The following LDLRAD4 variants were observed in gnomAD, a reference collection of about 807,000 sequenced individuals.
The protein encoded by LDLRAD4 is low density lipoprotein receptor class A domain containing 4.
A neutral mutation model predicts 17.0 loss-of-function variants in LDLRAD4; 5 were observed. That is an observed-to-expected ratio of 0.29 (90% confidence interval 0.15 to 0.62). The LOEUF is 0.62. Among genes scored for constraint, LDLRAD4 ranks in the 20% least tolerant of loss-of-function variants. The pLI is 0.84. For missense variants in LDLRAD4, 340 were observed against 424.7 expected, an observed-to-expected ratio of 0.80 and a Z score of 1.75; for synonymous variants, 168 against 171.8, an observed-to-expected ratio of 0.98 and a Z score of 0.17.
exon 1 of LDLRAD4, chr18:13,218,905 G>C (rs2041288951): frequency 6.6e-6 from 1 of 152,312 alleles, no homozygotes; most frequent in Admixed American, 6.5e-5. Flanking sequence ...CTTTGTGAAG[G>C]GGTCTGCCCT....
chr18:13,317,670 G>A (rs370429001), intron 1 of LDLRAD4, among the ~76,000 whole-genome samples: 4 of 152,254 alleles, frequency 2.6e-5, no homozygotes, highest in South Asian at 4.1e-4. Flanking sequence ...AAGAAAGCAC[G>A]TCACAAGACA....
chr18:13,459,735 G>A (rs1382610376), intron 3 of LDLRAD4, among the ~76,000 whole-genome samples: 2 of 152,168 alleles, frequency 1.3e-5, no homozygotes, highest in East Asian at 3.8e-4. Context: ...AGCAGCAATA[G>A]GGAAGAGATA....
chr18:13,387,454 C>T (rs2085921997), exon 2 of LDLRAD4: 1 of 398,562 alleles, frequency 2.5e-6, no homozygotes, highest in Non-Finnish European at 4.5e-6. Flanking sequence ...TTCTGAGGGC[C>T]TGAGGGCCAG....
intron 3 of LDLRAD4, among the ~76,000 whole-genome samples, chr18:13,568,432 T>C (rs1013867927): frequency 5.9e-5 from 9 of 152,186 alleles, no homozygotes; most frequent in African/African-American, 2.2e-4. Context: ...TCTGAGGTTG[T>C]TTCATGGTCT....
Position 13,419,808 on chromosome 18 carries a change from G to A in LDLRAD4, c.41-18436G>A, listed in dbSNP as rs138346417. ...AGCCTAACATTATGTGGTCTCTGAC[G>A]TATTAGCTGGTAGAAGACTGGATGT... On this transcript the variant is annotated intron_variant, in intron 2 of 5. Transcript: ENST00000359446. 4.6e-5 allele frequency: 7 copies of A among 152,296 alleles called. No individual in the cohort carries two copies. In the East Asian group the frequency reaches 1.2e-3, roughly 25 times the overall value. The allele number at this position is 152,296 out of a possible 1,614,324, so 9.4% of individuals were successfully genotyped here.
At chr18:13,562,549 C>G (rs945276297) in intron 3 of LDLRAD4, among the ~76,000 whole-genome samples, 1 of 152,222 alleles carries the variant, frequency 6.6e-6, no homozygotes, top group Admixed American at 6.5e-5. Flanking sequence ...GTCAGGCTCA[C>G]ATGTTCACCA....
intron 3 of LDLRAD4, among the ~76,000 whole-genome samples, chr18:13,608,964 A>G (rs1305485035): frequency 6.6e-6 from 1 of 152,078 alleles, no homozygotes; most frequent in East Asian, 1.9e-4. Flanking sequence ...GCCTTGCTCC[A>G]TTTTCAAGGC....
chr18:13,496,467 A>G (rs1031614438), intron 3 of LDLRAD4, among the ~76,000 whole-genome samples: 2 of 152,180 alleles, frequency 1.3e-5, no homozygotes, highest in Non-Finnish European at 2.9e-5. Flanking sequence ...TTTTAATACC[A>G]TCTTTTCATC....
At chr18:13,534,611 G>C (rs1345658103) in intron 3 of LDLRAD4, among the ~76,000 whole-genome samples, 1 of 152,128 alleles carries the variant, frequency 6.6e-6, no homozygotes, top group Non-Finnish European at 1.5e-5. Flanking sequence ...CATTTGTCTG[G>C]TGTGCCCTGT....
intron 1 of LDLRAD4, among the ~76,000 whole-genome samples, chr18:13,258,709 G>A (rs1408824220): frequency 6.6e-6 from 1 of 152,046 alleles, no homozygotes; most frequent in African/African-American, 2.4e-5. Flanking sequence ...TAAATTTCTT[G>A]TTCATTAATT....
At chr18:13,233,286 T>C (rs892648750) in intron 1 of LDLRAD4, among the ~76,000 whole-genome samples, 1 of 152,188 alleles carries the variant, frequency 6.6e-6, no homozygotes, top group African/African-American at 2.4e-5. Flanking sequence ...ATGTAGCAAA[T>C]GCATTGGCTT....
chr18:13,437,970 G>A (rs2090775992), intron 2 of LDLRAD4, among the ~76,000 whole-genome samples: 1 of 152,220 alleles, frequency 6.6e-6, no homozygotes, highest in Non-Finnish European at 1.5e-5. Flanking sequence ...GAGCACCTGT[G>A]CTACTGTGTG....
At chr18:13,252,345 T>C (rs1433578855) in intron 1 of LDLRAD4, among the ~76,000 whole-genome samples, 1 of 152,314 alleles carries the variant, frequency 6.6e-6, no homozygotes, top group Non-Finnish European at 1.5e-5. Flanking sequence ...GTCAGGCTGG[T>C]CTCGAACTCC....
chr18:13,344,069 A>T (rs1393412507), intron 1 of LDLRAD4, among the ~76,000 whole-genome samples: 1 of 152,194 alleles, frequency 6.6e-6, no homozygotes, highest in Non-Finnish European at 1.5e-5. Flanking sequence ...TTTGCTGTGC[A>T]GAAGCTCTTT....
At chr18:13,437,251 C>G (rs943812277) in intron 2 of LDLRAD4, among the ~76,000 whole-genome samples, 4 of 152,216 alleles carry the variant, frequency 2.6e-5, no homozygotes, top group Non-Finnish European at 5.9e-5. Context: ...CGGTGAGGAA[C>G]CCGGGACTCC....
At chr18:13,408,033 C>G (rs964553104) in intron 2 of LDLRAD4, among the ~76,000 whole-genome samples, 10 of 152,114 alleles carry the variant, frequency 6.6e-5, no homozygotes, top group African/African-American at 1.9e-4. Flanking sequence ...TGTTGGCACA[C>G]AAAATATAGT....
At chr18:13,438,938 C>T (rs367732138) in intron 3 of LDLRAD4, among the ~76,000 whole-genome samples, 70 of 152,298 alleles carry the variant, frequency 4.6e-4, no homozygotes, top group Admixed American at 1.2e-3. Flanking sequence ...CGTTGGTTTT[C>T]GATCTCATGG....
intron 1 of LDLRAD4, among the ~76,000 whole-genome samples, chr18:13,271,680 T>C (rs900439519): frequency 2.0e-5 from 3 of 152,176 alleles, no homozygotes; most frequent in African/African-American, 7.2e-5. Context: ...TGTAGATGGC[T>C]CTGGAATTTT....
chr18:13,631,359 A>G (rs958484852), intron 4 of LDLRAD4, among the ~76,000 whole-genome samples: 1 of 152,338 alleles, frequency 6.6e-6, no homozygotes, highest in Admixed American at 6.5e-5. Flanking sequence ...AGGAGATTGA[A>G]CCAATGGTCT....
Sources: gnomAD v4.1 joint callset for allele counts (sites outside exome capture counted in the v4.1 genomes callset) on GRCh38, gnomAD v4.1.1 for gene constraint, MANE v1.5 for transcripts, NCBI Gene and HGNC (gene_info 2026-07-23, HGNC 2026-07-21) for gene names.